NARS2: variants seen among roughly 807,000 people sequenced by gnomAD.
NARS2 encodes asparaginyl-tRNA synthetase.
A neutral mutation model predicts 62.9 loss-of-function variants in NARS2; 60 were observed. That is an observed-to-expected ratio of 0.95 (90% CI 0.77 to 1.18). The LOEUF is 1.18. Among genes scored for constraint, NARS2 ranks in the 50% most tolerant of loss-of-function variants. The pLI, the probability that NARS2 is intolerant of heterozygous loss-of-function variation, is 0.00. For missense variants in NARS2, 619 were observed against 576.4 expected (o/e 1.07, Z -0.76); for synonymous variants, 196 against 200.0 (o/e 0.98, Z 0.17).
chr11:78,463,871 T>G (rs567501541), intron 11 of NARS2, among the ~76,000 whole-genome samples: 34 of 152,122 alleles, frequency 2.2e-4, no homozygotes, highest in African/African-American at 8.2e-4. Context: ...CCCTCACTAT[T>G]TCTATTTGAT....
chr11:78,461,037 AT>A (rs1858373464), intron 11 of NARS2, among the ~76,000 whole-genome samples: 1 of 152,214 alleles, frequency 6.6e-6, no homozygotes, highest in Non-Finnish European at 1.5e-5. Flanking sequence ...GGTGATACGC[AT>A]ACTACGTCAT....
chr11:78,559,915 G>T (rs765278696), intron 4 of NARS2, among the ~76,000 whole-genome samples: 3 of 152,188 alleles, frequency 2.0e-5, no homozygotes, highest in Non-Finnish European at 4.4e-5. Context: ...TACACAATTA[G>T]TCAGTGGCTG....
intron 6 of NARS2, among the ~76,000 whole-genome samples, chr11:78,501,332 C>T (rs1204617412): frequency 1.3e-5 from 2 of 152,142 alleles, no homozygotes; most frequent in African/African-American, 2.4e-5. Flanking sequence ...CTGGAAAATA[C>T]TGTATATAAA....
At chr11:78,482,879 A>C (rs1859416723) in intron 7 of NARS2, among the ~76,000 whole-genome samples, 1 of 151,990 alleles carries the variant, frequency 6.6e-6, no homozygotes, top group African/African-American at 2.4e-5. Flanking sequence ...GAGTCCTGTA[A>C]CCCATTTTAT....
At chr11:78,461,773 G>A (rs1232416607) in intron 11 of NARS2, among the ~76,000 whole-genome samples, 20 of 136,246 alleles carry the variant, frequency 1.5e-4, no homozygotes, top group Non-Finnish European at 2.4e-4. Flanking sequence ...GTGAAATCCC[G>A]TACCCACTAC....
chr11:78,503,378 C>A (rs1860359297), intron 6 of NARS2, among the ~76,000 whole-genome samples: 1 of 152,134 alleles, frequency 6.6e-6, no homozygotes, highest in Non-Finnish European at 1.5e-5. Flanking sequence ...GCAGGGACTA[C>A]AGGCGCGTGC....
chr11:78,532,955 A>AT (rs779997176), intron 5 of NARS2, among the ~76,000 whole-genome samples: 5 of 152,178 alleles, frequency 3.3e-5, no homozygotes, highest in Non-Finnish European at 7.3e-5. Flanking sequence ...CTTCTCAGCA[A>AT]TGACCCAACT....
chr11:78,490,040 A>G (rs1859749693), intron 7 of NARS2, among the ~76,000 whole-genome samples: 1 of 151,956 alleles, frequency 6.6e-6, no homozygotes, highest in South Asian at 2.1e-4. Context: ...CCCTGCCTCA[A>G]AAAACAAAAA....
intron 7 of NARS2, among the ~76,000 whole-genome samples, chr11:78,482,620 G>A (rs1228571504): frequency 6.6e-6 from 1 of 152,100 alleles, no homozygotes; most frequent in Admixed American, 6.6e-5. Flanking sequence ...ACACCTCTAC[G>A]CAAATGAACG....
At chr11:78,459,404 G>A (rs910658470) in intron 11 of NARS2, among the ~76,000 whole-genome samples, 1 of 150,816 alleles carries the variant, frequency 6.6e-6, no homozygotes, top group African/African-American at 2.5e-5. Flanking sequence ...CCAAGTAGCT[G>A]GGATTACAGG....
At chr11:78,571,726 T>G (rs1277150878) in intron 1 of NARS2, 2 of 270,692 alleles carry the variant, frequency 7.4e-6, no homozygotes, top group East Asian at 6.8e-5. Context: ...TAATCAATCC[T>G]CCCAATATTG....
At chr11:78,441,181 A>G in intron 12 of NARS2, 64 bp from the exon 13 acceptor site, 1 of 1,451,580 alleles carries the variant, frequency 6.9e-7, no homozygotes, top group Non-Finnish European at 9.5e-7. Flanking sequence ...ACCACTAGAC[A>G]TTTATTCTGG....
At chr11:78,505,306 AC>A in intron 6 of NARS2, among the ~76,000 whole-genome samples, 2 of 147,428 alleles carry the variant, frequency 1.4e-5, no homozygotes, top group African/African-American at 2.7e-5. Flanking sequence ...ACACACACAC[AC>A]ACACACACAC....
chr11:78,535,208 C>T (rs1046610856), intron 5 of NARS2, among the ~76,000 whole-genome samples: 5 of 152,148 alleles, frequency 3.3e-5, no homozygotes, highest in African/African-American at 9.7e-5. Flanking sequence ...TGGGTGTTTT[C>T]CCCCGCCAAG....
chr11:78,449,462 T>C (rs1409403171), intron 11 of NARS2, among the ~76,000 whole-genome samples: 1 of 151,980 alleles, frequency 6.6e-6, no homozygotes, highest in Admixed American at 6.5e-5. Flanking sequence ...CCTTATACCA[T>C]GGTAGGATAG....
chr11:78,485,323 G>A (rs1157433997), intron 7 of NARS2, among the ~76,000 whole-genome samples: 12 of 151,920 alleles, frequency 7.9e-5, no homozygotes, highest in South Asian at 4.1e-4. Flanking sequence ...TGATAGGTGC[G>A]GCAAACCACC....
At chr11:78,532,449 C>T (rs1347872043) in intron 5 of NARS2, among the ~76,000 whole-genome samples, 3 of 152,066 alleles carry the variant, frequency 2.0e-5, no homozygotes, top group African/African-American at 4.8e-5. Flanking sequence ...AAATAATCTG[C>T]TCCCCAAATG....
chr11:78,574,125 TACCCTGG>T (rs2135553808), intron 1 of NARS2, among the ~76,000 whole-genome samples: 1 of 152,300 alleles, frequency 6.6e-6, no homozygotes, highest in East Asian at 1.9e-4. Flanking sequence ...TTACAGGTAA[TACCCTGG>T]AATCATGAAA....
intron 11 of NARS2, among the ~76,000 whole-genome samples, chr11:78,452,517 C>T (rs1945404691): frequency 6.6e-6 from 1 of 152,192 alleles, no homozygotes; most frequent in African/African-American, 2.4e-5. Flanking sequence ...AAGCAATCCT[C>T]CTAACTCAGC....
Sources: allele counts gnomAD v4.1 joint callset (sites outside exome capture counted in the v4.1 genomes callset), GRCh38; gene constraint gnomAD v4.1.1; transcripts MANE v1.5; gene names NCBI Gene and HGNC (gene_info 2026-07-23, HGNC 2026-07-21).